The following GLI3 variants were observed in gnomAD, a reference collection of about 807,000 sequenced individuals.
GLI3 encodes transcription activator GLI3.
In GLI3, 20 loss-of-function variants were observed where a neutral mutation model predicts 100.8. The observed-to-expected ratio is 0.20, with a 90% CI of 0.14 to 0.29. GLI3 has a LOEUF of 0.29. GLI3 is among the 10% of genes least tolerant of loss of function. The pLI is 1.00. For synonymous variants in GLI3, 938 were observed against 860.5 expected, an observed-to-expected ratio of 1.09 and a Z score of -1.58; for missense variants, 2,040 against 2,128.5, an observed-to-expected ratio of 0.96 and a Z score of 0.82.
At chr7:42,220,972 A>G (rs1251246812) in intron 2 of GLI3, among the ~76,000 whole-genome samples, 1 of 152,234 alleles carries the variant, frequency 6.6e-6, no homozygotes, top group Non-Finnish European at 1.5e-5. Flanking sequence ...GTCCCCAAAC[A>G]GGACAGGATT....
chr7:42,134,563 G>C (rs1786380294), intron 3 of GLI3, among the ~76,000 whole-genome samples: 1 of 152,166 alleles, frequency 6.6e-6, no homozygotes, highest in Non-Finnish European at 1.5e-5. Flanking sequence ...CAGGAACTAT[G>C]TGCTAAATTA....
Position 41,964,654 on chromosome 7 carries a change from G to A in GLI3, c.4419C>T (p.Ser1473=). Residue 1473 remains serine, a synonymous_variant, in exon 15 of 15, where the codon AGC becomes AGT. Coordinates refer to ENST00000395925, the MANE Select transcript of GLI3 (RefSeq NM_000168.6). The part of the protein sequence containing the change: ...SDASCLLQGT[S]AKNSELLSPG... The stretch of plus-strand genomic sequence containing the variant: ...GGGAAAGTAACTCAGAGTTTTTGGC[G>A]CTGGTCCCCTGTAGCAGGCAGCTGG... 1.2e-6 allele frequency: 2 copies of A among 1,613,854 alleles called. No individual in the cohort carries two copies. The highest frequency in any genetic ancestry group is 8.5e-7 in the Non-Finnish European group (1 of 1,179,714).
At chr7:42,173,644 A>C (rs943703413) in intron 2 of GLI3, among the ~76,000 whole-genome samples, 1 of 152,160 alleles carries the variant, frequency 6.6e-6, no homozygotes, top group African/African-American at 2.4e-5. Context: ...TTTCACGAGC[A>C]CAAAAGACTT....
Position 41,977,593 on chromosome 7 carries a change from G to T in GLI3, c.1777C>A (p.Arg593Ser). 1 of 1,614,174 alleles carries T rather than the reference G, an allele frequency of 6.2e-7. No individual in the cohort carries two copies. The highest frequency in any genetic ancestry group is 8.5e-7 in the Non-Finnish European group (1 of 1,180,028). ...CNKAFSNASD[R>S]AKHQNRTHSN... ...TGCGTTCTGTTTTGGTGTTTGGCGC[G>T]ATCAGAGGCATTTGAGAAAGCCTTG... The change falls in exon 12 of 15, where the codon CGC becomes AGC. Residue 593 changes from arginine to serine, a missense_variant. Physicochemically the swap from Arg to Ser is moderately radical, Grantham distance 110. Coordinates refer to ENST00000395925, the MANE Select transcript of GLI3 (RefSeq NM_000168.6).
At chr7:41,977,786 G>A (rs1481918285) in intron 11 of GLI3, 64 bp from the exon 12 acceptor site, 31 of 1,416,044 alleles carry the variant, frequency 2.2e-5, no homozygotes, top group East Asian at 6.8e-5. Context: ...TGCCTAACAC[G>A]CCCTCCAAGT....
chr7:42,089,055 C>T (rs1233110987), intron 3 of GLI3, among the ~76,000 whole-genome samples: 1 of 152,208 alleles, frequency 6.6e-6, no homozygotes, highest in Non-Finnish European at 1.5e-5. Context: ...ATAAACTATA[C>T]TTGGTAGGTA....
chr7:42,024,314 T>G (rs757307938), intron 9 of GLI3, among the ~76,000 whole-genome samples: 1 of 152,202 alleles, frequency 6.6e-6, no homozygotes, highest in Non-Finnish European at 1.5e-5. Context: ...ATTCATCTTG[T>G]GTAGATTCAG....
intron 10 of GLI3, among the ~76,000 whole-genome samples, chr7:42,011,246 G>C (rs916385546): frequency 1.3e-5 from 2 of 152,190 alleles, no homozygotes; most frequent in Non-Finnish European, 2.9e-5. Flanking sequence ...GGGAGCTTAG[G>C]CAGCACTCAG....
chr7:42,095,131 G>C (rs1785310810), intron 3 of GLI3, among the ~76,000 whole-genome samples: 1 of 152,210 alleles, frequency 6.6e-6, no homozygotes, highest in South Asian at 2.1e-4. Context: ...TTGCTTTCCA[G>C]CATCGGTCCT....
chr7:42,078,886 C>A (rs951009546), intron 3 of GLI3, among the ~76,000 whole-genome samples: 1 of 151,968 alleles, frequency 6.6e-6, no homozygotes, highest in African/African-American at 2.4e-5. Flanking sequence ...CCCGCCACCA[C>A]GCCTGGCTAA....
chr7:42,109,825 T>C (rs549408465), intron 3 of GLI3, among the ~76,000 whole-genome samples: 2 of 152,320 alleles, frequency 1.3e-5, no homozygotes, highest in South Asian at 4.1e-4. Context: ...TCAGCAGCAG[T>C]TATGAACGTC....
At chr7:42,035,871 A>G (rs1485786670) in intron 7 of GLI3, among the ~76,000 whole-genome samples, 2 of 152,214 alleles carry the variant, frequency 1.3e-5, no homozygotes, top group African/African-American at 4.8e-5. Context: ...ATCTAGTCTT[A>G]GATGGGGAGT....
chr7:42,060,174 A>G (rs1190416916), intron 4 of GLI3, among the ~76,000 whole-genome samples: 1 of 152,192 alleles, frequency 6.6e-6, no homozygotes, highest in East Asian at 1.9e-4. Context: ...TTCTCAGTAA[A>G]TGTTGGCCCC....
At chr7:42,021,134 A>T (rs1467727444) in intron 10 of GLI3, among the ~76,000 whole-genome samples, 1 of 152,230 alleles carries the variant, frequency 6.6e-6, no homozygotes, top group African/African-American at 2.4e-5. Flanking sequence ...TGCACCTCAG[A>T]CAGTAAGTAA....
intron 2 of GLI3, among the ~76,000 whole-genome samples, chr7:42,198,246 C>CA (rs1270169421): frequency 4.6e-5 from 7 of 151,948 alleles, no homozygotes; most frequent in African/African-American, 1.7e-4. Context: ...CGCAAATGTG[C>CA]AAAAAATGGA....
At chr7:42,040,953 A>T (rs1316047148) in intron 6 of GLI3, among the ~76,000 whole-genome samples, 2 of 152,144 alleles carry the variant, frequency 1.3e-5, no homozygotes, top group Non-Finnish European at 2.9e-5. Context: ...GTTCAGGGTC[A>T]CCCTCCCCAC....
At chr7:42,127,204 C>T (rs1052974910) in intron 3 of GLI3, among the ~76,000 whole-genome samples, 15 of 152,190 alleles carry the variant, frequency 9.9e-5, no homozygotes, top group African/African-American at 3.4e-4. Flanking sequence ...CAGAGAGGCC[C>T]AGCAGTAAGC....
At chr7:42,243,218 A>C (rs1788942388) in intron 1 of GLI3, among the ~76,000 whole-genome samples, 1 of 152,214 alleles carries the variant, frequency 6.6e-6, no homozygotes. Flanking sequence ...CGGAGGCACA[A>C]GATTCCAATA....
At chr7:42,024,648 T>C (rs1476912726) in intron 9 of GLI3, among the ~76,000 whole-genome samples, 1 of 152,198 alleles carries the variant, frequency 6.6e-6, no homozygotes, top group African/African-American at 2.4e-5. Flanking sequence ...GGGTATAACC[T>C]ACACATCCTT....
Sources: allele counts gnomAD v4.1 joint callset (sites outside exome capture counted in the v4.1 genomes callset), GRCh38; gene constraint gnomAD v4.1.1; transcripts MANE v1.5; gene names NCBI Gene and HGNC (gene_info 2026-07-23, HGNC 2026-07-21).